The following PLPP2 variants were observed in gnomAD, a reference collection of about 807,000 sequenced individuals.
PLPP2 encodes the protein phospholipid phosphatase 2, also known as PAP2-gamma.
Under a neutral mutation model 35.2 loss-of-function variants are expected in PLPP2, and 29 were observed. The ratio of observed to expected loss-of-function variants is 0.82; its 90% CI spans 0.61 to 1.12. The LOEUF (loss-of-function observed/expected upper bound fraction) is 1.12. PLPP2 is among the 50% of genes most tolerant of loss of function. The probability of loss-of-function intolerance (pLI) is 0.00; values close to 1 mark genes in which losing one functional copy is unlikely to be tolerated. For missense variants in PLPP2, 353 were observed against 375.2 expected (o/e 0.94, Z 0.49); for synonymous variants, 162 against 167.0 (o/e 0.97, Z 0.23).
chr19:290,170 T>C (rs950639194), intron 1 of PLPP2, among the ~76,000 whole-genome samples: 1 of 152,112 alleles, frequency 6.6e-6, no homozygotes, highest in Non-Finnish European at 1.5e-5. Flanking sequence ...GCTTCCAGCA[T>C]AGAGGTGCAC....
At chr19:281,870 G>A (rs1970180517) in intron 5 of PLPP2, 2 of 503,780 alleles carry the variant, frequency 4.0e-6, no homozygotes, top group East Asian at 6.6e-5. Flanking sequence ...TTGGGGGGAA[G>A]GGGTCCCAGG....
At position 282,190 on chromosome 19, in the gene PLPP2, G is replaced by A. The variant is rs757706121; in HGVS notation, c.661C>T (p.His221Tyr). ...AGGCCAACAAGGACATCGCTCCAGT[G>A]GTGTTTGTAATCAGACACGCGGGTG... ...GYTRVSDYKHHWSDVLVGLLQ... is the reference protein window; with the variant it reads ...GYTRVSDYKHYWSDVLVGLLQ... Residue 221 changes from histidine (H) to tyrosine (Y), a missense_variant, in exon 5 of 6, where the codon CAC (histidine) becomes TAC (tyrosine). By Grantham distance (83) the His-to-Tyr change is moderately conservative. Coordinates refer to ENST00000434325, the MANE Select transcript of PLPP2 (RefSeq NM_003712.4). 5.0e-6 allele frequency: 8 copies of A among 1,613,874 alleles called. No homozygotes were observed. Among genetic ancestry groups the A allele is most frequent in the Admixed American group, 1.7e-5 (1 of 59,996 alleles).
At position 291,374 on chromosome 19, in the gene PLPP2, C is replaced by G. The variant is rs754584242; in HGVS notation, c.-38G>C. On this transcript the variant is annotated 5_prime_UTR_variant, in exon 1 of 6. Coordinates refer to ENST00000434325, the MANE Select transcript of PLPP2 (RefSeq NM_003712.4). The stretch of plus-strand genomic sequence containing the variant: ...CCCCGACGCCGGTCCCAGCGCGTCC[C>G]GTCGCGTCCCGGCCCGGCCGCGGAG... The G allele has an allele frequency of 3.2e-6, 5 of 1,564,934 alleles. No individual in the cohort carries two copies. The highest frequency in any genetic ancestry group is 1.5e-5 in the African/African-American group (1 of 67,618).
At chr19:284,334 G>C (rs1970232947) in intron 3 of PLPP2, 3 of 141,866 alleles carry the variant, frequency 2.1e-5, no homozygotes, top group Admixed American at 2.1e-4. Flanking sequence ...CCTGGCAATA[G>C]GGTGAGACTC....
In PLPP2 at chr19:287,674, A is replaced by G; in HGVS notation, c.282T>C (p.Ala94=). 1.9e-6 allele frequency: 3 copies of G among 1,613,948 alleles called. No individual in the cohort carries two copies. The highest frequency in any genetic ancestry group is 2.5e-6 in the Non-Finnish European group (3 of 1,180,032). Residue 94 remains alanine, a synonymous_variant, in exon 3 of 6, where the codon GCT becomes GCC. Coordinates refer to ENST00000434325, the MANE Select transcript of PLPP2 (RefSeq NM_003712.4). This position sits in a 1 kb window ranked among gnomAD's most constrained non-coding sequence, Gnocchi z 4.3. ...SRSDFNNYVA[A]VYKVLGTFLF... ...GGAAGGTCCCCAGCACCTTGTATAC[A>G]GCAGCCACGTAGTTGTTGAAGTCCG...
Position 287,155 on chromosome 19 carries a change from C to T in PLPP2, c.482+319G>A, listed in dbSNP as rs946120481. ...ATATCAGACAAAACAGACATCAAGA[C>T]AAAAATTGTTGAGACAAAACTCATA... On this transcript the variant is annotated intron_variant, in intron 3 of 5. Coordinates refer to ENST00000434325, the MANE Select transcript of PLPP2 (RefSeq NM_003712.4). The surrounding 1 kb of genome is among the most constrained non-coding windows in gnomAD (Gnocchi z 4.3). 2.9e-5 allele frequency: 8 copies of T among 274,842 alleles called. No homozygotes were observed. Among genetic ancestry groups the T allele is most frequent in the South Asian group, 2.7e-4 (4 of 14,620 alleles). 17.0% of individuals were successfully genotyped at this position (274,842 alleles called of 1,614,324 possible).
intron 3 of PLPP2, 88 bp from the exon 4 acceptor site, chr19:282,897 C>T: frequency 1.6e-6 from 2 of 1,234,602 alleles, no homozygotes. Flanking sequence ...GAGGGCTCGA[C>T]ACGGAGGCTG....
Position 281,403 on chromosome 19 carries a change from CG to C in PLPP2, c.851del (p.Pro284ArgfsTer17). ...GEADHNHYGY[P>X]HSSS ...GGGTCCGGCCTCAGGAGGAGGAGTG[CG>C]GGTATCCATAGTGGTTGTGGTCAGC... On this transcript the variant is annotated frameshift_variant, in exon 6 of 6. Coordinates refer to ENST00000434325, the MANE Select transcript of PLPP2 (RefSeq NM_003712.4). LOFTEE classifies it high-confidence loss of function. The C allele has an allele frequency of 6.9e-7, 1 of 1,443,230 alleles. No homozygotes were observed. Among genetic ancestry groups the C allele is most frequent in the South Asian group, 1.6e-5 (1 of 62,500 alleles). 89.4% of individuals were successfully genotyped at this position (1,443,230 alleles called of 1,614,324 possible).
At chr19:290,443 G>T (rs1398782384) in intron 1 of PLPP2, among the ~76,000 whole-genome samples, 4 of 152,210 alleles carry the variant, frequency 2.6e-5, no homozygotes, top group Non-Finnish European at 4.4e-5. Flanking sequence ...GCTGTCACCT[G>T]GCCCACCCTA....
At chr19:283,577 G>C (rs1027123033) in intron 3 of PLPP2, 3 of 152,248 alleles carry the variant, frequency 2.0e-5, no homozygotes, top group African/African-American at 7.2e-5. Flanking sequence ...AGCAGATGAG[G>C]CAAACAACAG....
In PLPP2 at chr19:291,319, G is replaced by A. The variant is rs769851727; in HGVS notation, c.18C>T (p.Val6=). MQRRW[V]FVLLDVLCLL... ...AGCACAGCACGTCGAGCAGCACGAA[G>A]ACCCACCTCCGCTGCATGGTCCCCG... Residue 6 remains valine, a synonymous_variant, in exon 1 of 6, where the codon GTC becomes GTT. Coordinates refer to ENST00000434325, the MANE Select transcript of PLPP2 (RefSeq NM_003712.4). 1.3e-6 allele frequency: 2 copies of A among 1,599,034 alleles called. No homozygotes were observed. Among genetic ancestry groups the A allele is most frequent in the Non-Finnish European group, 1.7e-6 (2 of 1,174,268 alleles).
intron 5 of PLPP2, 89 bp downstream of exon 5, chr19:282,045 T>C (rs962563831): frequency 6.8e-7 from 1 of 1,462,184 alleles, no homozygotes; most frequent in South Asian, 1.2e-5. Context: ...AAGGACTCAG[T>C]GGGGCAAGGG....
At position 291,389 on chromosome 19, in the gene PLPP2, C is replaced by G. The variant is rs963601324; in HGVS notation, c.-53G>C. 6.6e-7 allele frequency: 1 copy of G among 1,508,526 alleles called. No homozygotes were observed. Among genetic ancestry groups the G allele is most frequent in the South Asian group, 1.2e-5 (1 of 85,606 alleles). The allele number at this position is 1,508,526 out of a possible 1,614,324, so 93.4% of individuals were successfully genotyped here. ...CAGCGCGTCCCGTCGCGTCCCGGCC[C>G]GGCCGCGGAGTCACGTGGCGCGGAG... On this transcript the variant is annotated 5_prime_UTR_variant, in exon 1 of 6. Coordinates refer to ENST00000434325, the MANE Select transcript of PLPP2 (RefSeq NM_003712.4).
In PLPP2 at chr19:291,295, G is replaced by T; in HGVS notation, c.42C>A (p.Cys14Ter). Residue 14 changes from cysteine to a stop codon, truncating the protein, a stop_gained, in exon 1 of 6, where the codon TGC becomes TGA. Coordinates refer to ENST00000434325, the MANE Select transcript of PLPP2 (RefSeq NM_003712.4). LOFTEE classifies it high-confidence loss of function. ...CCCCAAGGCTCTTACCGACCAGTAA[G>T]CACAGCACGTCGAGCAGCACGAAGA... ...RWVFVLLDVL[C>*]LLVASLPFAI... The T allele has an allele frequency of 1.9e-6, 3 of 1,602,052 alleles. No individual in the cohort carries two copies. Among genetic ancestry groups the T allele is most frequent in the Non-Finnish European group, 2.6e-6 (3 of 1,175,438 alleles).
chr19:288,983 C>T (rs570032714), intron 1 of PLPP2, among the ~76,000 whole-genome samples: 1 of 152,342 alleles, frequency 6.6e-6, no homozygotes, highest in East Asian at 1.9e-4. Flanking sequence ...CGCTCACGCA[C>T]TTGCCCCTTC....
chr19:287,749 G>C lies in PLPP2; in HGVS notation c.207C>G (p.Val69=), dbSNP rs370515516. The C allele has an allele frequency of 6.2e-7, 1 of 1,612,980 alleles. No individual in the cohort carries two copies. The highest frequency in any genetic ancestry group is 8.5e-7 in the Non-Finnish European group (1 of 1,179,712). ...GVTITATVIL[V]SAGEAYLVYT... ...ACACCAGGTAGGCTTCCCCGGCCGAGACCTGCAAGAGCAGCCGCAGGAACC... is the reference window on the plus strand; with the variant it reads ...ACACCAGGTAGGCTTCCCCGGCCGACACCTGCAAGAGCAGCCGCAGGAACC... Residue 69 remains valine, a splice_region_variant and synonymous_variant, in exon 3 of 6, where the codon GTC becomes GTG. Coordinates refer to ENST00000434325, the MANE Select transcript of PLPP2 (RefSeq NM_003712.4). The surrounding 1 kb of genome is among the most constrained non-coding windows in gnomAD (Gnocchi z 4.3).
At position 282,328 on chromosome 19, in the gene PLPP2, C is replaced by A; in HGVS notation, c.541-18G>T. 6.2e-7 allele frequency: 1 copy of A among 1,610,788 alleles called. No homozygotes were observed. Among genetic ancestry groups the A allele is most frequent in the Admixed American group, 1.7e-5 (1 of 59,898 alleles). Reference sequence around the variant, plus strand: ...ACATACAGCTGGAGTGGGGAGAGGACGTGTTAGCCTGTGCACCTGCCAGGC... The same window carrying A: ...ACATACAGCTGGAGTGGGGAGAGGAAGTGTTAGCCTGTGCACCTGCCAGGC... On this transcript the variant is annotated intron_variant, in intron 4 of 5. Transcript: ENST00000434325.
At chr19:281,882 G>T in intron 5 of PLPP2, 1 of 507,328 alleles carries the variant, frequency 2.0e-6, no homozygotes, top group Non-Finnish European at 3.5e-6. Context: ...GGTCCCAGGG[G>T]AGGACTTTGG....
intron 1 of PLPP2, among the ~76,000 whole-genome samples, chr19:289,820 GGA>G (rs1970348716): frequency 6.6e-6 from 1 of 152,152 alleles, no homozygotes; most frequent in Admixed American, 6.5e-5. Context: ...TGCTGTGAAG[GGA>G]GAGGCCTTGG....
Sources: gnomAD v4.1 joint callset for allele counts (sites outside exome capture counted in the v4.1 genomes callset) on GRCh38, gnomAD v4.1.1 for gene constraint, Gnocchi (gnomAD v3.1) non-coding constraint, MANE v1.5 for transcripts, NCBI Gene and HGNC (gene_info 2026-07-23, HGNC 2026-07-21) for gene names.